The following LRRFIP1 variants were observed in gnomAD, a reference collection of about 807,000 sequenced individuals.
LRRFIP1 encodes leucine-rich repeat flightless-interacting protein 1.
In LRRFIP1, 62 loss-of-function variants were observed where a neutral mutation model predicts 104.4. That is an observed-to-expected ratio of 0.59 (90% CI 0.48 to 0.73). The LOEUF is 0.73. Ranked by LOEUF, LRRFIP1 falls within the 30% of genes least tolerant of loss-of-function variation. The probability of loss-of-function intolerance (pLI) is 0.00; values close to 1 mark genes in which losing one functional copy is unlikely to be tolerated. For synonymous variants in LRRFIP1, 300 were observed against 299.0 expected (o/e 1.00, Z -0.03); for missense variants, 796 against 824.5 (o/e 0.97, Z 0.42).
intron 8 of LRRFIP1, among the ~76,000 whole-genome samples, 175 bp downstream of exon 8, chr2:237,728,110 A>T (rs866041219): frequency 2.0e-5 from 3 of 152,206 alleles, no homozygotes; most frequent in Admixed American, 6.5e-5. Flanking sequence ...TTTTTCAACT[A>T]GCAAACATTC....
rs1401968171 is a variant in LRRFIP1, at chr2:237,711,055, A to G, written c.183+2425A>G. Among the ~76,000 whole-genome samples the G allele has an allele frequency of 6.6e-6, 1 of 152,234 alleles. No homozygotes were observed. The highest frequency in any genetic ancestry group is 1.5e-5 in the Non-Finnish European group (1 of 68,040). Reference sequence around the variant, plus strand: ...GCCACTGCACTCCAGCTGGGGCAACATAATGAGACCCCTATCTCTTTCAAA... The same window carrying G: ...GCCACTGCACTCCAGCTGGGGCAACGTAATGAGACCCCTATCTCTTTCAAA... On this transcript the variant is annotated intron_variant, in intron 2 of 23. Transcript: ENST00000308482. The surrounding 1 kb of genome is among the most constrained non-coding windows in gnomAD (Gnocchi z 4.4).
At chr2:237,726,437 C>T (rs1207754835) in intron 7 of LRRFIP1, among the ~76,000 whole-genome samples, 1 of 152,174 alleles carries the variant, frequency 6.6e-6, no homozygotes, top group Admixed American at 6.5e-5. Flanking sequence ...TGTTTAGCAC[C>T]TCCCATATGC....
intron 4 of LRRFIP1, 105 bp from the exon 5 acceptor site, chr2:237,719,418 C>G (rs2094458902): frequency 1.4e-6 from 1 of 695,930 alleles, no homozygotes; most frequent in South Asian, 1.8e-5. Flanking sequence ...ACATTTAGAT[C>G]AGAACTGCTG....
At chr2:237,764,939 T>C (rs367578139) in intron 19 of LRRFIP1, 2 of 985,554 alleles carry the variant, frequency 2.0e-6, no homozygotes. Context: ...CATTTCCTAC[T>C]GCAGTATTTG....
At chr2:237,767,878 G>T (rs561479867) in intron 19 of LRRFIP1, among the ~76,000 whole-genome samples, 2 of 152,346 alleles carry the variant, frequency 1.3e-5, no homozygotes, top group Non-Finnish European at 2.9e-5. Flanking sequence ...AGGGGTGTTT[G>T]TGTGTGCATG....
rs2060923090 is a variant in LRRFIP1 at position 237,774,572 on chromosome 2, G to A, written c.1812+110G>A. On this transcript the variant is annotated intron_variant, in intron 23 of 23. Transcript: ENST00000308482. ...GACATCTGCCCCTGGGCTGGTCATT[G>A]TCAGATCATCCCACACCACTCTGCA... The A allele has an allele frequency of 1.6e-5, 12 of 731,538 alleles. No homozygotes were observed. In the East Asian group the frequency reaches 3.2e-4, roughly 20 times the overall value. 45.3% of individuals were successfully genotyped at this position (731,538 alleles called of 1,614,324 possible).
At chr2:237,740,435 A>G (rs1297983973) in intron 11 of LRRFIP1, among the ~76,000 whole-genome samples, 1 of 152,068 alleles carries the variant, frequency 6.6e-6, no homozygotes, top group Non-Finnish European at 1.5e-5. Flanking sequence ...AACAAAAACA[A>G]AAACTTCTCC....
intron 6 of LRRFIP1, 55 bp from the exon 7 acceptor site, chr2:237,723,493 T>C: frequency 1.3e-6 from 2 of 1,584,172 alleles, no homozygotes; most frequent in African/African-American, 2.7e-5. Flanking sequence ...TTAAATTTAC[T>C]TTTGGCAACT....
chr2:237,754,126 G>A (rs971919540), intron 15 of LRRFIP1, among the ~76,000 whole-genome samples: 8 of 152,134 alleles, frequency 5.3e-5, no homozygotes, highest in Admixed American at 5.2e-4. Context: ...GATAAGGTGC[G>A]ATCAGATGCT....
At chr2:237,730,685 G>A (rs1164115320) in intron 8 of LRRFIP1, among the ~76,000 whole-genome samples, 1 of 152,238 alleles carries the variant, frequency 6.6e-6, no homozygotes, top group Non-Finnish European at 1.5e-5. Flanking sequence ...TCGGGAGGCC[G>A]AGGTGGGCAG....
intron 1 of LRRFIP1, among the ~76,000 whole-genome samples, chr2:237,640,274 T>C (rs1286853924): frequency 6.6e-6 from 1 of 152,098 alleles, no homozygotes; most frequent in Non-Finnish European, 1.5e-5. Flanking sequence ...TTGCTGGCTT[T>C]GGAAGTGTGC....
At chr2:237,770,073 A>G (rs2060490737) in intron 20 of LRRFIP1, 81 bp downstream of exon 20, 1 of 1,113,898 alleles carries the variant, frequency 9.0e-7, no homozygotes, top group Non-Finnish European at 1.3e-6. Context: ...TTGCTTACTC[A>G]GAAAACCCCT....
At chr2:237,759,390 A>G (rs2059629019) in intron 18 of LRRFIP1, among the ~76,000 whole-genome samples, 1 of 152,184 alleles carries the variant, frequency 6.6e-6, no homozygotes, top group South Asian at 2.1e-4. Context: ...CTTGGCCTCC[A>G]GGGTCAAAGC....
intron 17 of LRRFIP1, among the ~76,000 whole-genome samples, chr2:237,757,792 C>T (rs879670659): frequency 2.0e-5 from 3 of 152,178 alleles, no homozygotes; most frequent in East Asian, 2.0e-4. Context: ...CGTAGCTGTG[C>T]GCTCTGCCTG....
chr2:237,725,848 A>C (rs924253155), intron 7 of LRRFIP1, among the ~76,000 whole-genome samples: 2 of 152,240 alleles, frequency 1.3e-5, no homozygotes, highest in Non-Finnish European at 2.9e-5. Context: ...ACTACAGTGC[A>C]AAGGACAGGG....
chr2:237,762,444 C>T (rs556270265), intron 19 of LRRFIP1, among the ~76,000 whole-genome samples: 1 of 152,336 alleles, frequency 6.6e-6, no homozygotes, highest in South Asian at 2.1e-4. Flanking sequence ...TGCTGCTTTG[C>T]CGCACAGAAC....
intron 10 of LRRFIP1, 68 bp from the exon 11 acceptor site, chr2:237,739,164 C>T: frequency 1.1e-5 from 16 of 1,402,382 alleles, no homozygotes; most frequent in Non-Finnish European, 1.6e-5. Context: ...CCTCTATTCT[C>T]CTTGCTCCTT....
In LRRFIP1 at chr2:237,643,583, A is replaced by T. The variant is rs576011234; in HGVS notation, c.96+15843A>T. 2.6e-5 allele frequency among the ~76,000 whole-genome samples: 4 copies of T among 152,172 alleles called. No individual in the cohort carries two copies. The South Asian group carries it at 8.3e-4, about 32-fold the overall frequency. Reference sequence around the variant, plus strand: ...CGCTGGGCGAAGCTGCTAGTTGAGGATCTGCTCCCTCTCATAGGCCTCCCT... The same window carrying T: ...CGCTGGGCGAAGCTGCTAGTTGAGGTTCTGCTCCCTCTCATAGGCCTCCCT... On this transcript the variant is annotated intron_variant, in intron 1 of 23. Transcript: ENST00000308482.
At chr2:237,665,957 T>C (rs1455001182) in intron 1 of LRRFIP1, among the ~76,000 whole-genome samples, 1 of 152,264 alleles carries the variant, frequency 6.6e-6, no homozygotes. Flanking sequence ...TGTGTGCCTT[T>C]GGCTCAAAGC....
Sources: gnomAD v4.1 joint callset for allele counts (sites outside exome capture counted in the v4.1 genomes callset) on GRCh38, gnomAD v4.1.1 for gene constraint, Gnocchi (gnomAD v3.1) non-coding constraint, MANE v1.5 for transcripts, NCBI Gene and HGNC (gene_info 2026-07-23, HGNC 2026-07-21) for gene names.